Variants in SLC44A5 observed in about 807,000 individuals in gnomAD.
The protein encoded by SLC44A5 is choline transporter-like protein 5.
A neutral mutation model predicts 101.8 loss-of-function variants in SLC44A5; 57 were observed. The ratio of observed to expected loss-of-function variants is 0.56; its 90% CI spans 0.45 to 0.70. The LOEUF is 0.70. SLC44A5 is among the 30% of genes least tolerant of loss of function. The pLI is 0.00. For missense variants in SLC44A5, 737 were observed against 853.1 expected (o/e 0.86, Z 1.70); for synonymous variants, 281 against 290.9 (o/e 0.97, Z 0.35).
intron 2 of SLC44A5, among the ~76,000 whole-genome samples, chr1:75,464,546 A>G (rs1429535020): frequency 6.6e-6 from 1 of 152,106 alleles, no homozygotes; most frequent in Non-Finnish European, 1.5e-5. Flanking sequence ...AGAAGTCCTT[A>G]TTTATTAATA....
intron 1 of SLC44A5, among the ~76,000 whole-genome samples, chr1:75,596,536 T>C (rs954697226): frequency 6.6e-6 from 1 of 151,984 alleles, no homozygotes; most frequent in Non-Finnish European, 1.5e-5. Context: ...TTCATGAACA[T>C]CCATGCAAAA....
chr1:75,687,710 T>A, the SLC44A5 span, among the ~76,000 whole-genome samples: 1 of 152,226 alleles, frequency 6.6e-6, no homozygotes, highest in African/African-American at 2.4e-5. Context: ...ACACTCTCAC[T>A]TCCCTTTCTT....
the SLC44A5 span, chr1:75,642,195 G>T: frequency 3.3e-6 from 2 of 600,498 alleles, no homozygotes; most frequent in Non-Finnish European, 5.7e-6. Context: ...TGACACACAG[G>T]TCTGTGACAG....
At chr1:75,647,684 G>A in the SLC44A5 span, among the ~76,000 whole-genome samples, 1 of 152,192 alleles carries the variant, frequency 6.6e-6, no homozygotes, top group African/African-American at 2.4e-5. Flanking sequence ...TGGAGTCAAA[G>A]GAGATCATTT....
chr1:75,211,837 TTTTTC>T (rs1646862698), intron 22 of SLC44A5, among the ~76,000 whole-genome samples: 1 of 149,216 alleles, frequency 6.7e-6, no homozygotes, highest in South Asian at 2.1e-4. Flanking sequence ...TCTTTTCTTT[TTTTTC>T]TTTTCTTTTC....
At chr1:75,463,280 C>T (rs1265669616) in intron 2 of SLC44A5, among the ~76,000 whole-genome samples, 1 of 151,852 alleles carries the variant, frequency 6.6e-6, no homozygotes, top group Admixed American at 6.6e-5. Context: ...ATTAGCTGGG[C>T]GCGGTGGCAG....
chr1:75,701,518 G>A, the SLC44A5 span, among the ~76,000 whole-genome samples: 1 of 152,024 alleles, frequency 6.6e-6, no homozygotes, highest in Admixed American at 6.6e-5. Flanking sequence ...AAAATAATAA[G>A]AGCTATCTAT....
At position 75,202,158 on chromosome 1, in the gene SLC44A5, A is replaced by G. The variant is rs1387262728; in HGVS notation, c.*1569T>C. On this transcript the variant is annotated 3_prime_UTR_variant, in exon 24 of 24. Coordinates refer to ENST00000370859, the MANE Select transcript of SLC44A5 (RefSeq NM_001130058.2). ...TTCTTATTTAAATCTTTATTAAAAG[A>G]AAAAAGATTTAAAACAAGTAACAAC... 6.6e-6 allele frequency: 1 copy of G among 152,164 alleles called. No individual in the cohort carries two copies. Among genetic ancestry groups the G allele is most frequent in the Non-Finnish European group, 1.5e-5 (1 of 68,004 alleles). 9.4% of individuals were successfully genotyped at this position (152,164 alleles called of 1,614,324 possible). A position where few individuals can be genotyped will look rare whatever the true frequency, so the allele number is the denominator to read the frequency against.
the SLC44A5 span, among the ~76,000 whole-genome samples, chr1:75,701,666 G>A: frequency 2.0e-5 from 3 of 152,152 alleles, no homozygotes; most frequent in African/African-American, 7.2e-5. Context: ...GGGCAATCAG[G>A]CAGGAGAAAT....
the SLC44A5 span, among the ~76,000 whole-genome samples, chr1:75,654,188 A>G: frequency 7.9e-5 from 12 of 152,352 alleles, no homozygotes; most frequent in South Asian, 1.7e-3. Context: ...AATACATTTA[A>G]TGACCTCTAA....
At chr1:75,331,443 C>A (rs1657049255) in intron 4 of SLC44A5, among the ~76,000 whole-genome samples, 1 of 152,096 alleles carries the variant, frequency 6.6e-6, no homozygotes, top group Admixed American at 6.6e-5. Flanking sequence ...GCTCCCTCTA[C>A]CACCAAAGCA....
At position 75,203,813 on chromosome 1, in the gene SLC44A5, C is replaced by CATT; in HGVS notation, c.2065_2067dup (p.Asn689dup). ...TAATAAGGTCTTGCAGTAGAACCAT[C>CATT]ATTTCTTTCTAAATCTTCCACTAGG... is the stretch of plus-strand genomic sequence containing the variant. On this transcript the variant is annotated inframe_insertion, in exon 24 of 24. Transcript: ENST00000370859. 6.5e-7 allele frequency: 1 copy of CATT among 1,548,810 alleles called. No homozygotes were observed. Among genetic ancestry groups the CATT allele is most frequent in the Non-Finnish European group, 8.7e-7 (1 of 1,145,710 alleles).
intron 6 of SLC44A5, among the ~76,000 whole-genome samples, chr1:75,257,440 A>C (rs1355450186): frequency 6.6e-6 from 1 of 152,172 alleles, no homozygotes; most frequent in African/African-American, 2.4e-5. Flanking sequence ...GAATGCCAGA[A>C]TTCAACAGCC....
At chr1:75,383,934 G>A (rs1661099297) in intron 3 of SLC44A5, among the ~76,000 whole-genome samples, 1 of 151,812 alleles carries the variant, frequency 6.6e-6, no homozygotes, top group African/African-American at 2.4e-5. Context: ...TGTCAACCCA[G>A]AATTTCATAT....
intron 3 of SLC44A5, among the ~76,000 whole-genome samples, chr1:75,364,171 T>C (rs1490361044): frequency 1.3e-5 from 2 of 152,202 alleles, no homozygotes; most frequent in Non-Finnish European, 2.9e-5. Context: ...ATTGCAGAGA[T>C]CTAAGCTTTT....
intron 2 of SLC44A5, among the ~76,000 whole-genome samples, chr1:75,532,143 T>C (rs912646144): frequency 3.3e-5 from 5 of 152,192 alleles, no homozygotes; most frequent in Admixed American, 6.5e-5. Flanking sequence ...TGAAAACCAC[T>C]GGATTAGACA....
chr1:75,332,973 C>T (rs115312294), intron 4 of SLC44A5, among the ~76,000 whole-genome samples: 53 of 152,084 alleles, frequency 3.5e-4, no homozygotes, highest in African/African-American at 1.3e-3. Flanking sequence ...AATTGGTATG[C>T]TTTTTCTAAT....
intron 2 of SLC44A5, among the ~76,000 whole-genome samples, chr1:75,429,767 C>T (rs949496090): frequency 1.3e-5 from 2 of 152,172 alleles, no homozygotes; most frequent in Middle Eastern, 6.8e-3. Flanking sequence ...CTCGTGTGAA[C>T]TCAGAGTGAG....
intron 22 of SLC44A5, among the ~76,000 whole-genome samples, chr1:75,211,894 C>G (rs1282018713): frequency 2.1e-5 from 3 of 145,606 alleles, no homozygotes; most frequent in Non-Finnish European, 4.5e-5. Context: ...TCCTTCCTTT[C>G]TCTCTCTCTC....
Sources: gnomAD v4.1 joint callset for allele counts (sites outside exome capture counted in the v4.1 genomes callset) on GRCh38, gnomAD v4.1.1 for gene constraint, MANE v1.5 for transcripts, NCBI Gene and HGNC (gene_info 2026-07-23, HGNC 2026-07-21) for gene names.